The following ANKRD13D variants were observed in gnomAD, a reference collection of about 807,000 sequenced individuals.
The protein encoded by ANKRD13D is ankyrin repeat domain 13D.
A neutral mutation model predicts 68.8 loss-of-function variants in ANKRD13D; 24 were observed. The observed-to-expected ratio is 0.35, with a 90% CI of 0.25 to 0.49. ANKRD13D has a LOEUF of 0.49. Ranked by LOEUF, ANKRD13D falls within the 20% of genes least tolerant of loss-of-function variation. ANKRD13D has a pLI of 0.99. For synonymous variants in ANKRD13D, 331 were observed against 336.1 expected (o/e 0.98, Z 0.16); for missense variants, 735 against 832.1 (o/e 0.88, Z 1.44).
In ANKRD13D at chr11:67,301,269, T is replaced by C. The variant is rs1233712642; in HGVS notation, c.1232-13T>C. 1.9e-6 allele frequency: 3 copies of C among 1,607,254 alleles called. No individual in the cohort carries two copies. The highest frequency in any genetic ancestry group is 2.6e-6 in the Non-Finnish European group (3 of 1,176,236). ...CTCTCCGCCAGGGCTCAGGCGTGGC[T>C]GTCTTCTCACAGAGATTCCCCTTTT... On this transcript the variant is annotated splice_polypyrimidine_tract_variant and intron_variant, in intron 11 of 14. Transcript: ENST00000511455. This position sits in a 1 kb window ranked among gnomAD's most constrained non-coding sequence, Gnocchi z 4.5.
At position 67,291,762 on chromosome 11, in the gene ANKRD13D, A is replaced by C. The variant is rs772959650; in HGVS notation, c.541+16A>C. On this transcript the variant is annotated intron_variant, in intron 5 of 14. Coordinates refer to ENST00000511455, the MANE Select transcript of ANKRD13D (RefSeq NM_207354.3). ...AAGGGCCAGGGTGAGCTCTGGACAA[A>C]CTCATTGCAGCTCCTCGGCCCTTGG... 6.2e-7 allele frequency: 1 copy of C among 1,612,888 alleles called. No individual in the cohort carries two copies. Among genetic ancestry groups the C allele is most frequent in the South Asian group, 1.1e-5 (1 of 91,058 alleles).
At position 67,299,485 on chromosome 11, in the gene ANKRD13D, G is replaced by A; in HGVS notation, c.799-45G>A. 2 of 1,489,300 alleles carry A rather than the reference G, an allele frequency of 1.3e-6. No homozygotes were observed. The highest frequency in any genetic ancestry group is 9.1e-7 in the Non-Finnish European group (1 of 1,092,902). 92.3% of individuals were successfully genotyped at this position (1,489,300 alleles called of 1,614,324 possible). ...CTGCACTGGTGAGGCTGAGTGTGGGGAGCAGGCTCTGAGCCCCCAGCTCCC... is the reference window on the plus strand; with the variant it reads ...CTGCACTGGTGAGGCTGAGTGTGGGAAGCAGGCTCTGAGCCCCCAGCTCCC... On this transcript the variant is annotated intron_variant, in intron 7 of 14. Coordinates refer to ENST00000511455, the MANE Select transcript of ANKRD13D (RefSeq NM_207354.3). This position sits in a 1 kb window ranked among gnomAD's most constrained non-coding sequence, Gnocchi z 6.2.
Position 67,290,065 on chromosome 11 carries a change from C to G in ANKRD13D, c.91-13C>G. 3 of 1,535,428 alleles carry G rather than the reference C, an allele frequency of 2.0e-6. No homozygotes were observed. Among genetic ancestry groups the G allele is most frequent in the South Asian group, 1.2e-5 (1 of 83,882 alleles). ...TTCTCTCCTGCCCTTTGTGAGTGTCCCGTCTCCCCCAGCACGACATTGAAC... is the reference window on the plus strand; with the variant it reads ...TTCTCTCCTGCCCTTTGTGAGTGTCGCGTCTCCCCCAGCACGACATTGAAC... On this transcript the variant is annotated splice_polypyrimidine_tract_variant and intron_variant, in intron 1 of 14. Coordinates refer to ENST00000511455, the MANE Select transcript of ANKRD13D (RefSeq NM_207354.3).
In ANKRD13D at chr11:67,300,916, A is replaced by T; in HGVS notation, c.1074-74A>T. On this transcript the variant is annotated intron_variant, in intron 10 of 14. Coordinates refer to ENST00000511455, the MANE Select transcript of ANKRD13D (RefSeq NM_207354.3). This position sits in a 1 kb window ranked among gnomAD's most constrained non-coding sequence, Gnocchi z 4.3. ...AGAAGGTGGGTAAAGGCAGCTGCCC[A>T]CGAACCAGAGGGCAGTCCTCAATGG... is the stretch of plus-strand genomic sequence containing the variant. 6.4e-7 allele frequency: 1 copy of T among 1,561,154 alleles called. No homozygotes were observed. The highest frequency in any genetic ancestry group is 8.7e-7 in the Non-Finnish European group (1 of 1,148,036).
Position 67,299,844 on chromosome 11 carries a change from C to G in ANKRD13D, c.898C>G (p.Gln300Glu). Residue 300 changes from glutamine (Q) to glutamate (E), a missense_variant, in exon 9 of 15, where the codon CAG becomes GAG. Coordinates refer to ENST00000511455, the MANE Select transcript of ANKRD13D (RefSeq NM_207354.3). The surrounding 1 kb of genome is among the most constrained non-coding windows in gnomAD (Gnocchi z 6.2). ...SRSKAGKTPF[Q>E]SFLGMAQQHS... ...CTCCGTAGCGGGGAAGACTCCATTC[C>G]AGTCCTTCCTGGGGATGGCGCAGCA... is the stretch of plus-strand genomic sequence containing the variant. The G allele has an allele frequency of 6.5e-7, 1 of 1,537,150 alleles. No homozygotes were observed. The highest frequency in any genetic ancestry group is 8.8e-7 in the Non-Finnish European group (1 of 1,141,558).
chr11:67,292,187 C>T lies in ANKRD13D; in HGVS notation c.731+7C>T, dbSNP rs535578950. 41 of 1,575,546 alleles carry T rather than the reference C, an allele frequency of 2.6e-5. 1 individual carries two copies. In the East Asian group the frequency reaches 3.9e-4, roughly 15 times the overall value. ...GTAATGTGGCCTTTGAGAGGTCGGT[C>T]GGGTCCTGGCACACCGTGGGTGGGA... On this transcript the variant is annotated splice_region_variant and intron_variant, in intron 6 of 14. Transcript: ENST00000511455.
chr11:67,295,570 C>G (rs376430808), intron 6 of ANKRD13D, among the ~76,000 whole-genome samples: 1 of 149,940 alleles, frequency 6.7e-6, no homozygotes, highest in Non-Finnish European at 1.5e-5. Context: ...ACTAAAAATA[C>G]AAAAACAAAA....
At position 67,289,369 on chromosome 11, in the gene ANKRD13D, G is replaced by C. The variant is rs1366384827; in HGVS notation, c.-92G>C. On this transcript the variant is annotated 5_prime_UTR_variant, in exon 1 of 15. Transcript: ENST00000511455. ...CGCTACTGCTGCGGGGGCCGCGGGGGGCGCAGCTGGGGCGCGGCTCGGAGG... is the reference window on the plus strand; with the variant it reads ...CGCTACTGCTGCGGGGGCCGCGGGGCGCGCAGCTGGGGCGCGGCTCGGAGG... 2.1e-6 allele frequency: 2 copies of C among 948,302 alleles called. No individual in the cohort carries two copies. The highest frequency in any genetic ancestry group is 3.5e-5 in the African/African-American group (2 of 56,818). 58.7% of individuals were successfully genotyped at this position (948,302 alleles called of 1,614,324 possible).
intron 3 of ANKRD13D, 117 bp downstream of exon 3, chr11:67,290,563 G>T (rs1590863180): frequency 2.4e-5 from 34 of 1,425,836 alleles, no homozygotes; most frequent in Non-Finnish European, 3.0e-5. Flanking sequence ...CCTGCCACCA[G>T]CAAGGAGGTC....
At chr11:67,289,892 T>A in intron 1 of ANKRD13D, 186 bp from the exon 2 acceptor site, 1 of 1,434,154 alleles carries the variant, frequency 7.0e-7, no homozygotes, top group South Asian at 1.5e-5. Context: ...AGACCCCGGC[T>A]CTGCCCCTGC....
intron 1 of ANKRD13D, chr11:67,289,772 G>C: frequency 7.1e-7 from 1 of 1,412,854 alleles, no homozygotes; most frequent in East Asian, 2.7e-5. Context: ...GCCCGAACTC[G>C]CTTCCGCATC....
Position 67,297,566 on chromosome 11 carries a change from C to T in ANKRD13D, c.732-1492C>T, listed in dbSNP as rs546320784. 1.5e-4 allele frequency among the ~76,000 whole-genome samples: 23 copies of T among 149,782 alleles called. No individual in the cohort carries two copies. The South Asian group carries it at 4.8e-3, about 31-fold the overall frequency. On this transcript the variant is annotated intron_variant, in intron 6 of 14. Transcript: ENST00000511455. ...TCTGAGAGGGAGTCTTGCTCTGTCG[C>T]CCAGGCTGGAGTGCAGTGGCACGAT...
rs890225375 is a variant in ANKRD13D at position 67,299,860 on chromosome 11, T to C, written c.914T>C (p.Met305Thr). 6.5e-7 allele frequency: 1 copy of C among 1,538,568 alleles called. No individual in the cohort carries two copies. Among genetic ancestry groups the C allele is most frequent in the African/African-American group, 1.4e-5 (1 of 72,624 alleles). The change falls in exon 9 of 15, where the codon ATG becomes ACG. Residue 305 changes from methionine to threonine, a missense_variant. Met to Thr is a moderately conservative substitution (Grantham distance 81). Coordinates refer to ENST00000511455, the MANE Select transcript of ANKRD13D (RefSeq NM_207354.3). This position sits in a 1 kb window ranked among gnomAD's most constrained non-coding sequence, Gnocchi z 6.2. Reference sequence around the variant, plus strand: ...ACTCCATTCCAGTCCTTCCTGGGGATGGCGCAGCAGCATTCCTCCCACACC... The same window carrying C: ...ACTCCATTCCAGTCCTTCCTGGGGACGGCGCAGCAGCATTCCTCCCACACC... The part of the protein sequence containing the change: ...GKTPFQSFLG[M>T]AQQHSSHTGA...
chr11:67,297,053 T>G (rs1194816768), intron 6 of ANKRD13D, among the ~76,000 whole-genome samples: 1 of 152,214 alleles, frequency 6.6e-6, no homozygotes, highest in Non-Finnish European at 1.5e-5. Flanking sequence ...TCTATTTCAT[T>G]AACCTTTACT....
intron 3 of ANKRD13D, chr11:67,290,878 C>T: frequency 5.5e-6 from 1 of 180,974 alleles, no homozygotes; most frequent in Non-Finnish European, 1.2e-5. Context: ...CAGAGTAGGA[C>T]TCTGAGACCC....
Position 67,300,340 on chromosome 11 carries a change from G to A in ANKRD13D, c.1073+217G>A. 1.6e-6 allele frequency: 1 copy of A among 606,426 alleles called. No homozygotes were observed. Among genetic ancestry groups the A allele is most frequent in the Non-Finnish European group, 2.8e-6 (1 of 360,290 alleles). The allele number at this position is 606,426 out of a possible 1,614,324, so 37.6% of individuals were successfully genotyped here. A position where few individuals can be genotyped will look rare whatever the true frequency, so the allele number is the denominator to read the frequency against. On this transcript the variant is annotated intron_variant, in intron 10 of 14. Transcript: ENST00000511455. This position sits in a 1 kb window ranked among gnomAD's most constrained non-coding sequence, Gnocchi z 4.3. ...GGTAGTTTGTCTTTGATGAATGGAT[G>A]GTGCCACCCATGTATGGTTTTCTAT...
In ANKRD13D at chr11:67,301,366, TGCCGGC is replaced by T; in HGVS notation, c.1317_1322del (p.Ala441_Pro442del). ...GATGAGCCCCTGAGCTCCGTGTGGG[TGCCGGC>T]CCCCAGCTCTGCTGTTGCCGCATCA... On this transcript the variant is annotated inframe_deletion, in exon 12 of 15. Transcript: ENST00000511455. The surrounding 1 kb of genome is among the most constrained non-coding windows in gnomAD (Gnocchi z 4.5). 6.2e-7 allele frequency: 1 copy of T among 1,613,338 alleles called. No homozygotes were observed.
Position 67,299,548 on chromosome 11 carries a change from G to A in ANKRD13D, c.817G>A (p.Val273Met), listed in dbSNP as rs986609873. The change falls in exon 8 of 15, where the codon GTG becomes ATG. Residue 273 changes from valine (V) to methionine (M), a missense_variant. Physicochemically the swap from Val to Met is conservative, Grantham distance 21 (BLOSUM62 1). Coordinates refer to ENST00000511455, the MANE Select transcript of ANKRD13D (RefSeq NM_207354.3). This position sits in a 1 kb window ranked among gnomAD's most constrained non-coding sequence, Gnocchi z 6.2. Reference sequence around the variant, plus strand: ...TCCCCAGGTGTACAGTGCCACCAACGTGGAGCTGGTGACACGCACACGCAC... The same window carrying A: ...TCCCCAGGTGTACAGTGCCACCAACATGGAGCTGGTGACACGCACACGCAC... Reference protein sequence around the residue: ...YEAKVYSATNVELVTRTRTEH... With the variant: ...YEAKVYSATNMELVTRTRTEH... 9.7e-6 allele frequency: 15 copies of A among 1,550,950 alleles called. No homozygotes were observed. The highest frequency in any genetic ancestry group is 2.7e-5 in the African/African-American group (2 of 73,146).
In ANKRD13D at chr11:67,301,077, C is replaced by T. The variant is rs755817642; in HGVS notation, c.1161C>T (p.Ser387=). ...VTPIIDLMAI[S]NAHFAKLRDF... is the part of the protein sequence containing the mutation. ...CCATCATCGACCTAATGGCCATCAGCAACGCTCACTTTGCCAAGCTGCGCG... is the reference window on the plus strand; with the variant it reads ...CCATCATCGACCTAATGGCCATCAGTAACGCTCACTTTGCCAAGCTGCGCG... Residue 387 remains serine, a synonymous_variant, in exon 11 of 15, where the codon AGC becomes AGT. Coordinates refer to ENST00000511455, the MANE Select transcript of ANKRD13D (RefSeq NM_207354.3). This position sits in a 1 kb window ranked among gnomAD's most constrained non-coding sequence, Gnocchi z 4.5. 9 of 1,613,986 alleles carry T rather than the reference C, an allele frequency of 5.6e-6. No individual in the cohort carries two copies. Among genetic ancestry groups the T allele is most frequent in the African/African-American group, 4.0e-5 (3 of 74,932 alleles).
Sources: allele counts gnomAD v4.1 joint callset (sites outside exome capture counted in the v4.1 genomes callset), GRCh38; gene constraint gnomAD v4.1.1; non-coding constraint Gnocchi (gnomAD v3.1); transcripts MANE v1.5; gene names NCBI Gene and HGNC (gene_info 2026-07-23, HGNC 2026-07-21).